The following CACNA2D3 variants were observed in gnomAD, a reference collection of about 807,000 sequenced individuals.
CACNA2D3 encodes voltage-dependent calcium channel subunit alpha-2/delta-3.
A neutral mutation model predicts 160.6 loss-of-function variants in CACNA2D3; 60 were observed. The ratio of observed to expected loss-of-function variants is 0.37; its 90% confidence interval spans 0.30 to 0.46. The LOEUF (loss-of-function observed/expected upper bound fraction) is 0.46. CACNA2D3 is among the 20% of genes least tolerant of loss of function. The pLI, the probability that CACNA2D3 is intolerant of heterozygous loss-of-function variation, is 1.00. For missense variants in CACNA2D3, 1,205 were observed against 1,365.0 expected (o/e 0.88, Z 1.85); for synonymous variants, 558 against 492.9 (o/e 1.13, Z -1.75).
At chr3:54,856,165 A>C (rs1699165252) in intron 17 of CACNA2D3, among the ~76,000 whole-genome samples, 1 of 152,222 alleles carries the variant, frequency 6.6e-6, no homozygotes, top group Admixed American at 6.5e-5. Flanking sequence ...GGAATGACAA[A>C]TAAATGACGA....
chr3:54,668,726 C>G (rs536712980), intron 11 of CACNA2D3, among the ~76,000 whole-genome samples: 1 of 152,250 alleles, frequency 6.6e-6, no homozygotes, highest in Non-Finnish European at 1.5e-5. Context: ...AGACAGGGAA[C>G]CTGTGGGAAC....
intron 4 of CACNA2D3, among the ~76,000 whole-genome samples, chr3:54,471,228 G>T (rs1700726341): frequency 6.6e-6 from 1 of 152,164 alleles, no homozygotes. Flanking sequence ...AATCAAATTA[G>T]AATTCAGGAT....
chr3:54,187,289 G>A (rs555923590), intron 2 of CACNA2D3, among the ~76,000 whole-genome samples: 6 of 152,262 alleles, frequency 3.9e-5, no homozygotes, highest in South Asian at 4.1e-4. Flanking sequence ...TAATATACTC[G>A]GTTGAATACC....
intron 4 of CACNA2D3, among the ~76,000 whole-genome samples, chr3:54,465,969 TC>T (rs1005921215): frequency 2.6e-5 from 4 of 151,898 alleles, no homozygotes; most frequent in African/African-American, 9.7e-5. Context: ...GAGACTGAGG[TC>T]CCCCCTGCCT....
chr3:55,063,810 G>A (rs1366510146), intron 35 of CACNA2D3, among the ~76,000 whole-genome samples: 1 of 152,200 alleles, frequency 6.6e-6, no homozygotes, highest in Non-Finnish European at 1.5e-5. Flanking sequence ...CCTCAAGAAT[G>A]GGCCGTGGCA....
chr3:54,459,447 T>A (rs1324998212), intron 4 of CACNA2D3, among the ~76,000 whole-genome samples: 1 of 150,108 alleles, frequency 6.7e-6, no homozygotes, highest in Non-Finnish European at 1.5e-5. Context: ...TTTCCTGACT[T>A]TTTAATGATC....
intron 3 of CACNA2D3, among the ~76,000 whole-genome samples, chr3:54,330,209 T>G (rs1006074636): frequency 2.1e-5 from 2 of 96,270 alleles, no homozygotes; most frequent in Non-Finnish European, 4.4e-5. Context: ...TTTTAATTGA[T>G]ATGTGTGTGT....
intron 27 of CACNA2D3, among the ~76,000 whole-genome samples, chr3:54,943,219 G>A (rs1701522354): frequency 1.4e-5 from 2 of 140,790 alleles, no homozygotes; most frequent in South Asian, 4.6e-4. Context: ...AAAAAAAAAT[G>A]AGAATAATAA....
chr3:54,907,579 C>G, intron 27 of CACNA2D3, among the ~76,000 whole-genome samples: 1 of 152,238 alleles, frequency 6.6e-6, no homozygotes, highest in East Asian at 1.9e-4. Flanking sequence ...CCATATGTTA[C>G]GCCCACTGCT....
intron 31 of CACNA2D3, among the ~76,000 whole-genome samples, chr3:54,988,901 A>G (rs1482964020): frequency 6.6e-6 from 1 of 152,160 alleles, no homozygotes; most frequent in East Asian, 1.9e-4. Context: ...GCCTGCCTGT[A>G]GCAGATCGTC....
rs138771168 is a variant in CACNA2D3 at position 54,402,122 on chromosome 3, T to C, written c.381+15348T>C. On this transcript the variant is annotated intron_variant, in intron 4 of 37. Transcript: ENST00000474759. ...ATATGGCACTACAAAGCAAAACCTA[T>C]AGCATATATACCAATGATAAAGAGA... 1.0e-3 allele frequency among the ~76,000 whole-genome samples: 155 copies of C among 152,220 alleles called. 1 individual carries two copies. The highest frequency in any genetic ancestry group is 2.0e-3 in the Non-Finnish European group (133 of 67,990).
At chr3:54,246,785 T>C (rs959781412) in intron 2 of CACNA2D3, among the ~76,000 whole-genome samples, 18 of 152,048 alleles carry the variant, frequency 1.2e-4, no homozygotes, top group Admixed American at 1.1e-3. Flanking sequence ...ATCATAAATT[T>C]TTTTAACACT....
intron 17 of CACNA2D3, among the ~76,000 whole-genome samples, chr3:54,854,772 T>C (rs958302493): frequency 6.6e-6 from 1 of 152,072 alleles, no homozygotes; most frequent in African/African-American, 2.4e-5. Flanking sequence ...AATTAATAAA[T>C]AACTACATAT....
rs1230798077 is a variant in CACNA2D3, at chr3:54,630,752, CTTT to C, written c.1053+2880_1053+2882del. Among the ~76,000 whole-genome samples, 3 of 152,262 alleles carry C rather than the reference CTTT, an allele frequency of 2.0e-5. No homozygotes were observed. The South Asian group carries it at 6.2e-4, about 32-fold the overall frequency. On this transcript the variant is annotated intron_variant, in intron 10 of 37. Coordinates refer to ENST00000474759, the MANE Select transcript of CACNA2D3 (RefSeq NM_018398.3). ...AGAGAAATCACCAACACATGGTGGA[CTTT>C]TTTATCCTGAATCTTTGTGAGGGAA...
intron 2 of CACNA2D3, among the ~76,000 whole-genome samples, chr3:54,267,813 T>C (rs1481602549): frequency 6.6e-6 from 1 of 152,210 alleles, no homozygotes; most frequent in Admixed American, 6.5e-5. Flanking sequence ...CAGAGCCCAC[T>C]GCTGAGTTAT....
chr3:54,346,435 T>A (rs893069492), intron 3 of CACNA2D3, among the ~76,000 whole-genome samples: 3 of 152,256 alleles, frequency 2.0e-5, no homozygotes, highest in Admixed American at 1.3e-4. Flanking sequence ...TCATGATATG[T>A]AGATGTTAAT....
At chr3:54,915,507 A>T (rs779810337) in intron 27 of CACNA2D3, among the ~76,000 whole-genome samples, 1 of 152,230 alleles carries the variant, frequency 6.6e-6, no homozygotes, top group Non-Finnish European at 1.5e-5. Context: ...GGAATCTATG[A>T]ATATGACAGC....
chr3:54,781,089 A>T (rs1047907285), intron 13 of CACNA2D3, among the ~76,000 whole-genome samples: 2 of 152,102 alleles, frequency 1.3e-5, no homozygotes, highest in Non-Finnish European at 2.9e-5. Context: ...AAATAATCTT[A>T]ATTTTAACTA....
At chr3:54,766,624 C>A (rs1702229695) in intron 13 of CACNA2D3, among the ~76,000 whole-genome samples, 1 of 152,092 alleles carries the variant, frequency 6.6e-6, no homozygotes, top group African/African-American at 2.4e-5. Context: ...TTTAACATCA[C>A]AAAAATATAT....
Sources: allele counts gnomAD v4.1 joint callset (sites outside exome capture counted in the v4.1 genomes callset), GRCh38; gene constraint gnomAD v4.1.1; transcripts MANE v1.5; gene names NCBI Gene and HGNC (gene_info 2026-07-23, HGNC 2026-07-21).